Variants in MYOM2 observed in about 807,000 individuals in gnomAD.
MYOM2 encodes myomesin 2.
Under a neutral mutation model 187.6 loss-of-function variants are expected in MYOM2, and 254 were observed. That is an observed-to-expected ratio of 1.35 (90% CI 1.22 to 1.50). The LOEUF is 1.50. Among genes scored for constraint, MYOM2 ranks in the 40% most tolerant of loss-of-function variants. MYOM2 has a pLI of 0.00. For missense variants in MYOM2, 2,796 were observed against 1,924.0 expected (o/e 1.45, Z -8.48); for synonymous variants, 981 against 753.8 (o/e 1.30, Z -4.94).
chr8:2,141,117 A>T (rs754354338), intron 33 of MYOM2, 24 bp from the exon 34 acceptor site: 2 of 1,607,130 alleles, frequency 1.2e-6, no homozygotes, highest in South Asian at 1.1e-5. Context: ...AATGGTTAGT[A>T]ACGTATGAAC....
chr8:2,085,664 C>T (rs76465662), intron 14 of MYOM2, among the ~76,000 whole-genome samples: 70 of 6,458 alleles, frequency 0.011, 32 homozygotes, highest in Admixed American at 0.016. Flanking sequence ...GTCGTGATCT[C>T]TGCGTGGCCC....
At chr8:2,142,462 T>A in intron 35 of MYOM2, 65 bp downstream of exon 35, 1 of 1,546,186 alleles carries the variant, frequency 6.5e-7, no homozygotes, top group South Asian at 1.1e-5. Context: ...AGTGTCCATA[T>A]TTTGGAGGAC....
intron 25 of MYOM2, among the ~76,000 whole-genome samples, chr8:2,110,999 T>G (rs1054561992): frequency 6.6e-6 from 1 of 152,224 alleles, no homozygotes; most frequent in Non-Finnish European, 1.5e-5. Context: ...GTATAACTAT[T>G]GCCTATGGGA....
In MYOM2 at chr8:2,050,818, C is replaced by A; in HGVS notation, c.52C>A (p.Gln18Lys). Residue 18 changes from glutamine (Q) to lysine (K), a missense_variant, in exon 2 of 37, where the codon CAG becomes AAG. Gln to Lys is a moderately conservative substitution (Grantham distance 53). Transcript: ENST00000262113. ...CCAGAAGAGACATAGGCACTTCGAC[C>A]AGTCCTACCGTAATATTCAAACACG... ...FYQKRHRHFD[Q>K]SYRNIQTRYL... The A allele has an allele frequency of 6.2e-7, 1 of 1,613,650 alleles. No individual in the cohort carries two copies. Among genetic ancestry groups the A allele is most frequent in the South Asian group, 1.1e-5 (1 of 91,062 alleles).
chr8:2,125,989 C>T (rs530988341), intron 31 of MYOM2, among the ~76,000 whole-genome samples: 65 of 152,142 alleles, frequency 4.3e-4, no homozygotes, highest in African/African-American at 1.6e-3. Flanking sequence ...CTTTAGATTG[C>T]TTTGGGTAGT....
chr8:2,097,284 AT>A (rs1796527718), intron 18 of MYOM2: 1 of 185,044 alleles, frequency 5.4e-6, no homozygotes. Flanking sequence ...CATTATTGAT[AT>A]TTTGCCCACG....
rs1796948342 is a variant in MYOM2, at chr8:2,107,946, G to A, written c.2999-840G>A. Among the ~76,000 whole-genome samples the A allele has an allele frequency of 1.3e-5, 2 of 152,286 alleles. 1 individual carries two copies. Among genetic ancestry groups the A allele is most frequent in the South Asian group, 4.1e-4 (2 of 4,822 alleles). On this transcript the variant is annotated intron_variant, in intron 23 of 36. Transcript: ENST00000262113. ...TTGTGTATAGACTTCAAATATATTT[G>A]AGGTAAAACTTTGCAGTTGAAGATT...
At chr8:2,100,149 C>T (rs7006220) in intron 19 of MYOM2, among the ~76,000 whole-genome samples, 89 of 130,634 alleles carry the variant, frequency 6.8e-4, no homozygotes, top group African/African-American at 1.9e-3. Flanking sequence ...TCCTTCCTTC[C>T]TTCCTTCCTT....
chr8:2,081,389 G>A (rs926695137), intron 13 of MYOM2, among the ~76,000 whole-genome samples: 4 of 150,640 alleles, frequency 2.7e-5, no homozygotes, highest in African/African-American at 9.8e-5. Flanking sequence ...TCTGGCCTGC[G>A]GGAGGAACAG....
intron 32 of MYOM2, among the ~76,000 whole-genome samples, chr8:2,137,292 G>A (rs749610956): frequency 6.6e-6 from 1 of 151,948 alleles, no homozygotes; most frequent in African/African-American, 2.4e-5. Flanking sequence ...CGATTGTTGC[G>A]TCCTCTTGGT....
At chr8:2,127,072 C>G (rs1240960434) in intron 31 of MYOM2, among the ~76,000 whole-genome samples, 1 of 151,230 alleles carries the variant, frequency 6.6e-6, no homozygotes, top group Non-Finnish European at 1.5e-5. Context: ...CCGACCCTCC[C>G]GTGTTCTGCC....
chr8:2,145,152 C>T lies in MYOM2; in HGVS notation c.*171C>T. The T allele has an allele frequency of 1.4e-6, 1 of 695,640 alleles. No individual in the cohort carries two copies. Among genetic ancestry groups the T allele is most frequent in the South Asian group, 2.0e-5 (1 of 50,476 alleles). 43.1% of individuals were successfully genotyped at this position (695,640 alleles called of 1,614,324 possible). ...TTGGTGATGAATATTTTATACCCGT[C>T]TAAGGGAGAAAGCTAATGTTTTCCA... On this transcript the variant is annotated 3_prime_UTR_variant, in exon 37 of 37. Transcript: ENST00000262113.
rs779038600 is a variant in MYOM2 at position 2,129,168 on chromosome 8, G to A, written c.3736G>A (p.Gly1246Arg). The A allele has an allele frequency of 6.2e-7, 1 of 1,612,060 alleles. No individual in the cohort carries two copies. The highest frequency in any genetic ancestry group is 1.7e-5 in the Admixed American group (1 of 59,994). Reference sequence around the variant, plus strand: ...ACTGAAGGTACTCTGCACCCCAGAAGGAATACGACTTCAGTGTTTCATGAA... The same window carrying A: ...ACTGAAGGTACTCTGCACCCCAGAAAGAATACGACTTCAGTGTTTCATGAA... ...SPLKVLCTPE[G>R]IRLQCFMKYF... is the part of the protein sequence containing the mutation. Residue 1246 changes from glycine (G) to arginine (R), a missense_variant, in exon 32 of 37, where the codon GGA becomes AGA. Coordinates refer to ENST00000262113, the MANE Select transcript of MYOM2 (RefSeq NM_003970.4).
intron 32 of MYOM2, among the ~76,000 whole-genome samples, chr8:2,132,112 A>G (rs1797895224): frequency 6.6e-6 from 1 of 152,246 alleles, no homozygotes; most frequent in African/African-American, 2.4e-5. Flanking sequence ...AAAAAGAATA[A>G]TAAGAAAATT....
intron 35 of MYOM2, 79 bp from the exon 36 acceptor site, chr8:2,143,322 C>T: frequency 6.7e-7 from 1 of 1,500,832 alleles, no homozygotes. Context: ...ACCTTGGTAC[C>T]CACTGCTGCT....
intron 35 of MYOM2, among the ~76,000 whole-genome samples, chr8:2,142,701 TC>T (rs1798315348): frequency 6.1e-5 from 1 of 16,518 alleles, no homozygotes; most frequent in Admixed American, 5.8e-4. Flanking sequence ...CTCCCTCCCC[TC>T]CCCTTCCCTC....
chr8:2,128,069 T>A (rs1797718595), intron 31 of MYOM2, among the ~76,000 whole-genome samples: 1 of 152,182 alleles, frequency 6.6e-6, no homozygotes, highest in African/African-American at 2.4e-5. Flanking sequence ...TATATTAACA[T>A]TCACTTTAAA....
At chr8:2,083,496 C>G (rs556050371) in intron 13 of MYOM2, among the ~76,000 whole-genome samples, 47 of 152,102 alleles carry the variant, frequency 3.1e-4, no homozygotes, top group African/African-American at 8.2e-4. Flanking sequence ...AATGGCATCT[C>G]ATGTGTGACT....
intron 25 of MYOM2, among the ~76,000 whole-genome samples, chr8:2,110,096 G>A (rs537878563): frequency 4.6e-5 from 7 of 152,294 alleles, no homozygotes; most frequent in African/African-American, 1.2e-4. Context: ...GCCGAGATGG[G>A]GGCATTGCTT....
Sources: gnomAD v4.1 joint callset for allele counts (sites outside exome capture counted in the v4.1 genomes callset) on GRCh38, gnomAD v4.1.1 for gene constraint, MANE v1.5 for transcripts, NCBI Gene and HGNC (gene_info 2026-07-23, HGNC 2026-07-21) for gene names.